KDM5A: variants seen among roughly 807,000 people sequenced by gnomAD.
The protein encoded by KDM5A is lysine demethylase 5A.
Under a neutral mutation model 193.5 loss-of-function variants are expected in KDM5A, and 42 were observed. The observed-to-expected ratio is 0.22, with a 90% CI of 0.17 to 0.28. KDM5A has a LOEUF of 0.28. Ranked by LOEUF, KDM5A falls within the 10% of genes least tolerant of loss-of-function variation. KDM5A has a pLI of 1.00. For synonymous variants in KDM5A, 796 were observed against 718.1 expected, an observed-to-expected ratio of 1.11 and a Z score of -1.73; for missense variants, 1,692 against 2,055.1, an observed-to-expected ratio of 0.82 and a Z score of 3.42.
At chr12:386,094 T>C (rs1189099910) in intron 1 of KDM5A, 120 bp from the exon 2 acceptor site, 7 of 711,860 alleles carry the variant, frequency 9.8e-6, no homozygotes, top group Non-Finnish European at 1.5e-5. Flanking sequence ...CTTACAAGTC[T>C]TCTTTATTAT....
Position 307,010 on chromosome 12 carries a change from T to A in KDM5A, c.4010A>T (p.Asp1337Val), listed in dbSNP as rs1442427220. 6.2e-7 allele frequency: 1 copy of A among 1,613,942 alleles called. No homozygotes were observed. The highest frequency in any genetic ancestry group is 2.2e-5 in the East Asian group (1 of 44,888). Residue 1337 changes from aspartate to valine, a missense_variant, in exon 24 of 28, where the codon GAC becomes GTC. Physicochemically the swap from Asp to Val is radical, Grantham distance 152 (BLOSUM62 -3). This residue lies in a region of KDM5A where 965 missense variants were observed against 1,061.0 expected (regional missense o/e 0.91). Coordinates refer to ENST00000399788, the MANE Select transcript of KDM5A (RefSeq NM_001042603.3). The surrounding 1 kb of genome is among the most constrained non-coding windows in gnomAD (Gnocchi z 4.3). ...SVSSSPRQTMDYDDEETDSDE... is the reference protein window; with the variant it reads ...SVSSSPRQTMVYDDEETDSDE... ...AGAGTCTGTTTCTTCATCATCATAG[T>A]CCATTGTTTGTCGAGGAGAAGATGA...
chr12:309,681 T>C (rs1381174177), intron 22 of KDM5A, 122 bp downstream of exon 22: 2 of 1,038,602 alleles, frequency 1.9e-6, no homozygotes, highest in Non-Finnish European at 2.9e-6. Context: ...GAAATATGTA[T>C]AATCATAAAG....
chr12:313,252 T>A lies in KDM5A; in HGVS notation c.2898-58A>T. 3 of 1,585,518 alleles carry A rather than the reference T, an allele frequency of 1.9e-6. No homozygotes were observed. In the South Asian group the frequency reaches 3.3e-5, roughly 18 times the overall value. ...TGAGAAATCAACATTTAAGTAACATTTCAGAATGTTTAGAGAACTTTCATT... is the reference window on the plus strand; with the variant it reads ...TGAGAAATCAACATTTAAGTAACATATCAGAATGTTTAGAGAACTTTCATT... On this transcript the variant is annotated intron_variant, in intron 19 of 27. Coordinates refer to ENST00000399788, the MANE Select transcript of KDM5A (RefSeq NM_001042603.3).
intron 16 of KDM5A, 144 bp downstream of exon 16, chr12:322,938 A>T: frequency 1.9e-6 from 2 of 1,048,238 alleles, no homozygotes; most frequent in Non-Finnish European, 2.8e-6. Context: ...AATTAAGTCT[A>T]TATTCAATCA....
At chr12:354,502 C>G (rs1252456728) in intron 7 of KDM5A, among the ~76,000 whole-genome samples, 1 of 152,206 alleles carries the variant, frequency 6.6e-6, no homozygotes, top group Non-Finnish European at 1.5e-5. Flanking sequence ...GGCACAGTGG[C>G]TCACGCCTGT....
Position 388,959 on chromosome 12 carries a change from T to C in KDM5A, c.133A>G (p.Lys45Glu), listed in dbSNP as rs1565556629. ...FIGRIRPLAE[K>E]TGICKIRPPK... Reference sequence around the variant, plus strand: ...GGCCGAATTTTGCAGATGCCGGTTTTCTCCGCCAAAGGCCGGATGCGGCCG... The same window carrying C: ...GGCCGAATTTTGCAGATGCCGGTTTCCTCCGCCAAAGGCCGGATGCGGCCG... Residue 45 changes from lysine (K) to glutamate (E), a missense_variant, in exon 1 of 28, where the codon AAA (lysine) becomes GAA (glutamate). By Grantham distance (56) the Lys-to-Glu change is moderately conservative. This residue lies in a region of KDM5A where 84 missense variants were observed against 68.2 expected (regional missense o/e 1.23). Coordinates refer to ENST00000399788, the MANE Select transcript of KDM5A (RefSeq NM_001042603.3). 1 of 1,614,218 alleles carries C rather than the reference T, an allele frequency of 6.2e-7. No individual in the cohort carries two copies. Among genetic ancestry groups the C allele is most frequent in the Non-Finnish European group, 8.5e-7 (1 of 1,180,036 alleles).
intron 3 of KDM5A, among the ~76,000 whole-genome samples, chr12:383,358 G>A (rs953365768): frequency 8.6e-5 from 13 of 151,970 alleles, no homozygotes; most frequent in African/African-American, 3.1e-4. Context: ...GAGACTACAG[G>A]TGTGCACCAC....
chr12:322,593 T>C lies in KDM5A; in HGVS notation c.2276-26A>G, dbSNP rs1943731813. 11 of 1,599,342 alleles carry C rather than the reference T, an allele frequency of 6.9e-6. 1 individual carries two copies. In the African/African-American group the frequency reaches 1.2e-4, roughly 17 times the overall value. On this transcript the variant is annotated intron_variant, in intron 16 of 27. Coordinates refer to ENST00000399788, the MANE Select transcript of KDM5A (RefSeq NM_001042603.3). ...CTGTAAAAATTTAAATAAAGAGCCA[T>C]ATACAATAACCATAGACACAAAAAG... is the stretch of plus-strand genomic sequence containing the variant.
chr12:313,162 A>G lies in KDM5A; in HGVS notation c.2930T>C (p.Ile977Thr), dbSNP rs779062972. ...TGGAATGTTCTTGGCTTCATTCACA[A>G]TGCTTTCTAAACTTGCCACACTGTG... ...PRHSVASLES[I>T]VNEAKNIPAF... The change falls in exon 20 of 28, where the codon ATT becomes ACT. Residue 977 changes from isoleucine (I) to threonine (T), a missense_variant. Around this residue, in one of 11 missense-constraint regions of KDM5A, gnomAD observed 965 missense variants for 1,061.0 expected, o/e 0.91. Coordinates refer to ENST00000399788, the MANE Select transcript of KDM5A (RefSeq NM_001042603.3). The G allele has an allele frequency of 6.2e-7, 1 of 1,614,138 alleles. No individual in the cohort carries two copies. The highest frequency in any genetic ancestry group is 8.5e-7 in the Non-Finnish European group (1 of 1,179,994).
intron 7 of KDM5A, 96 bp downstream of exon 7, chr12:355,062 G>T: frequency 1.2e-6 from 1 of 801,364 alleles, no homozygotes. Flanking sequence ...AACCAAACGA[G>T]CTAACTAAAC....
At chr12:304,520 T>C (rs367685050) in intron 24 of KDM5A, among the ~76,000 whole-genome samples, 4 of 148,640 alleles carry the variant, frequency 2.7e-5, no homozygotes, top group African/African-American at 1.0e-4. Context: ...AGCTCAGTGG[T>C]AGAGCATCTG....
rs753867193 is a variant in KDM5A at position 350,790 on chromosome 12, A to G, written c.1150-11T>C. 2.3e-5 allele frequency: 37 copies of G among 1,605,590 alleles called. No individual in the cohort carries two copies. The highest frequency in any genetic ancestry group is 3.1e-5 in the Non-Finnish European group (36 of 1,172,824). On this transcript the variant is annotated splice_polypyrimidine_tract_variant and intron_variant, in intron 9 of 27. Coordinates refer to ENST00000399788, the MANE Select transcript of KDM5A (RefSeq NM_001042603.3). ...TTCTGTGGGAACCATCTACACAGGG[A>G]AAAAAAAGATGACAAATTATTAAAC...
chr12:379,431 T>C (rs1944548358), intron 3 of KDM5A, among the ~76,000 whole-genome samples: 1 of 150,922 alleles, frequency 6.6e-6, no homozygotes, highest in South Asian at 2.1e-4. Flanking sequence ...TATAAAAATG[T>C]TATATATCTT....
intron 24 of KDM5A, among the ~76,000 whole-genome samples, chr12:299,618 C>T (rs540253546): frequency 7.1e-4 from 108 of 152,274 alleles, no homozygotes; most frequent in Admixed American, 1.4e-3. Context: ...AGACCATCGA[C>T]GCTATGAAGA....
chr12:387,796 T>C (rs10848879), intron 1 of KDM5A, among the ~76,000 whole-genome samples: 107,005 of 151,982 alleles, frequency 0.7, 37,891 homozygotes, highest in Middle Eastern at 0.78. Flanking sequence ...GTTAAATTAG[T>C]TCCTCCTCGC....
intron 3 of KDM5A, among the ~76,000 whole-genome samples, chr12:373,186 C>A (rs1173932658): frequency 6.6e-6 from 1 of 152,182 alleles, no homozygotes; most frequent in Non-Finnish European, 1.5e-5. Flanking sequence ...CCTCCTTGTA[C>A]ATCTGGTAGA....
intron 3 of KDM5A, among the ~76,000 whole-genome samples, chr12:375,752 G>A (rs942291078): frequency 6.6e-6 from 1 of 152,156 alleles, no homozygotes; most frequent in Non-Finnish European, 1.5e-5. Flanking sequence ...GTACAAATGG[G>A]ATTTTGGTGT....
Position 307,915 on chromosome 12 carries a change from G to A in KDM5A, c.3469C>T (p.Arg1157Cys), listed in dbSNP as rs373321785. Residue 1157 changes from arginine (R) to cysteine (C), a missense_variant, in exon 23 of 28, where the codon CGC (arginine) becomes TGC (cysteine). Around this residue, in one of 11 missense-constraint regions of KDM5A, gnomAD observed 965 missense variants for 1,061.0 expected, o/e 0.91. Transcript: ENST00000399788. The surrounding 1 kb of genome is among the most constrained non-coding windows in gnomAD (Gnocchi z 4.3). ...ANLAKMTMVD[R>C]IEEVKFCICR... is the part of the protein sequence containing the mutation. ...ATGCAAAATTTTACTTCTTCTATGC[G>A]GTCCACCATTGTCATCTTGGCTAGG... 77 of 1,614,088 alleles carry A rather than the reference G, an allele frequency of 4.8e-5. No homozygotes were observed. Among genetic ancestry groups the A allele is most frequent in the East Asian group, 3.1e-4 (14 of 44,878 alleles).
In KDM5A at chr12:308,878, A is replaced by C. The variant is rs561198334; in HGVS notation, c.3379-873T>G. On this transcript the variant is annotated intron_variant, in intron 22 of 27. Transcript: ENST00000399788. ...ATTTCCTCAGGCTCCTAGTAATCTT[A>C]ACACATTCCTCCTATCCTCCAAAAA... 2.0e-5 allele frequency among the ~76,000 whole-genome samples: 3 copies of C among 152,330 alleles called. No homozygotes were observed. The South Asian group carries it at 6.2e-4, about 32-fold the overall frequency.
Sources: gnomAD v4.1 joint callset for allele counts (sites outside exome capture counted in the v4.1 genomes callset) on GRCh38, gnomAD v4.1.1 for gene constraint, gnomAD v4.1.1 regional missense constraint, Gnocchi (gnomAD v3.1) non-coding constraint, MANE v1.5 for transcripts, NCBI Gene and HGNC (gene_info 2026-07-23, HGNC 2026-07-21) for gene names.